The following UCK2 variants were observed in gnomAD, a reference collection of about 807,000 sequenced individuals.
UCK2 encodes cytidine monophosphokinase 2.
A neutral mutation model predicts 30.8 loss-of-function variants in UCK2; 6 were observed. The ratio of observed to expected loss-of-function variants is 0.19; its 90% confidence interval spans 0.11 to 0.38. The LOEUF (loss-of-function observed/expected upper bound fraction) is 0.38. Ranked by LOEUF, UCK2 falls within the 10% of genes least tolerant of loss-of-function variation. The pLI, the probability that UCK2 is intolerant of heterozygous loss-of-function variation, is 1.00. For synonymous variants in UCK2, 125 were observed against 133.6 expected, an observed-to-expected ratio of 0.94 and a Z score of 0.45; for missense variants, 210 against 339.8, an observed-to-expected ratio of 0.62 and a Z score of 3.00.
At chr1:165,847,435 T>C (rs923573553) in intron 1 of UCK2, among the ~76,000 whole-genome samples, 2 of 152,212 alleles carry the variant, frequency 1.3e-5, no homozygotes, top group Admixed American at 6.5e-5. Context: ...CAGTAGTCCT[T>C]CTTTCTTCAC....
intron 4 of UCK2, chr1:165,902,469 A>G (rs921140405): frequency 1.3e-5 from 2 of 151,836 alleles, no homozygotes; most frequent in African/African-American, 4.8e-5. Context: ...AAGCCCCTGG[A>G]TAAAACTGAC....
chr1:165,832,833 C>T (rs531596554), intron 1 of UCK2, among the ~76,000 whole-genome samples: 1 of 152,078 alleles, frequency 6.6e-6, no homozygotes, highest in Non-Finnish European at 1.5e-5. Context: ...CCTCATGATC[C>T]GCCTCAGCCT....
chr1:165,893,009 G>T (rs920291235), intron 3 of UCK2, among the ~76,000 whole-genome samples: 4 of 152,166 alleles, frequency 2.6e-5, no homozygotes, highest in African/African-American at 9.7e-5. Context: ...AGACATTTTG[G>T]CAATAGGGAG....
chr1:165,840,345 T>A (rs1389092136), intron 1 of UCK2, among the ~76,000 whole-genome samples: 2 of 152,278 alleles, frequency 1.3e-5, no homozygotes, highest in Admixed American at 1.3e-4. Flanking sequence ...TAAATCAGGC[T>A]AATTAGCATA....
intron 1 of UCK2, among the ~76,000 whole-genome samples, chr1:165,834,414 T>G (rs61257616): frequency 0.07 from 10,584 of 152,132 alleles, 956 homozygotes; most frequent in African/African-American, 0.21. Flanking sequence ...GGAGTGAGCC[T>G]TAGTCCCACC....
chr1:165,885,632 G>A (rs1655597373), intron 1 of UCK2, among the ~76,000 whole-genome samples: 1 of 152,204 alleles, frequency 6.6e-6, no homozygotes. Context: ...ACGCTCCAGT[G>A]GGCAGTGTCA....
intron 1 of UCK2, among the ~76,000 whole-genome samples, chr1:165,863,894 C>T (rs929256719): frequency 2.0e-5 from 3 of 152,100 alleles, no homozygotes; most frequent in Non-Finnish European, 4.4e-5. Context: ...ACTTATATAA[C>T]GTATTTGTTA....
intron 1 of UCK2, among the ~76,000 whole-genome samples, chr1:165,840,451 A>G (rs962777325): frequency 6.6e-5 from 10 of 152,202 alleles, no homozygotes; most frequent in African/African-American, 2.2e-4. Context: ...CATTGACCAT[A>G]GTCAGCATGT....
intron 1 of UCK2, among the ~76,000 whole-genome samples, chr1:165,852,584 T>G (rs1654624662): frequency 6.6e-6 from 1 of 152,194 alleles, no homozygotes; most frequent in South Asian, 2.1e-4. Context: ...GACGAGACTG[T>G]GGAGAAATGG....
chr1:165,880,565 GGGTGTGTGTGTGT>G (rs1655466386), intron 1 of UCK2, among the ~76,000 whole-genome samples: 2 of 5,318 alleles, frequency 3.8e-4, no homozygotes, highest in African/African-American at 2.3e-3. Context: ...TTTTTTTTGG[GGGTGTGTGTGTGT>G]GTGTGTGTGT....
At chr1:165,858,668 C>T (rs1571275983) in intron 1 of UCK2, among the ~76,000 whole-genome samples, 1 of 151,886 alleles carries the variant, frequency 6.6e-6, no homozygotes, top group Non-Finnish European at 1.5e-5. Context: ...CGTCCCTTAG[C>T]CCAGGAGAGG....
At chr1:165,879,545 T>TTTATTATTATTATTATTATTATTA (rs59350667) in intron 1 of UCK2, among the ~76,000 whole-genome samples, 2,186 of 146,838 alleles carry the variant, frequency 0.015, 19 homozygotes, top group Non-Finnish European at 0.019. Context: ...ATGTTTGCTT[T>TTTATTATTATTATTATTATTATTA]TTATTATTAT....
intron 1 of UCK2, among the ~76,000 whole-genome samples, chr1:165,850,954 T>TTTA (rs60420412): frequency 0.059 from 6,951 of 118,336 alleles, 379 homozygotes; most frequent in Middle Eastern, 0.077. Flanking sequence ...TTTTTTTTTT[T>TTTA]AATAGAGAAT....
In UCK2 at chr1:165,907,875, A is replaced by T. The variant is rs947798849; in HGVS notation, c.*52A>T. 1 of 1,603,140 alleles carries T rather than the reference A, an allele frequency of 6.2e-7. No individual in the cohort carries two copies. Among genetic ancestry groups the T allele is most frequent in the Non-Finnish European group, 8.5e-7 (1 of 1,173,626 alleles). On this transcript the variant is annotated 3_prime_UTR_variant, in exon 7 of 7. Transcript: ENST00000367879. The stretch of plus-strand genomic sequence containing the variant: ...ATCTCCAAGAGACAGAGGAGGGGTC[A>T]GGAGGCACTGCTCATCTGTACATAC...
In UCK2 at chr1:165,879,545, T is replaced by TTTATTATTATTATTATTATTATTATTA. The variant is rs59350667; in HGVS notation, c.100-10633_100-10632insATTATTATTATTATTATTATTATTATT. On this transcript the variant is annotated intron_variant, in intron 1 of 6. Transcript: ENST00000367879. ...CATTATATTCAAAGGATGTTTGCTT[T>TTTATTATTATTATTATTATTATTATTA]TTATTATTATTATTATTATTATTAT... 1.1e-3 allele frequency among the ~76,000 whole-genome samples: 158 copies of TTTATTATTATTATTATTATTATTATTA among 146,870 alleles called. 1 individual carries two copies. Among genetic ancestry groups the TTTATTATTATTATTATTATTATTATTA allele is most frequent in the East Asian group, 2.0e-3 (10 of 5,106 alleles).
At chr1:165,835,768 ATTAAT>A (rs1475311842) in intron 1 of UCK2, among the ~76,000 whole-genome samples, 2 of 152,208 alleles carry the variant, frequency 1.3e-5, no homozygotes, top group African/African-American at 4.8e-5. Flanking sequence ...CCTGCAAAAT[ATTAAT>A]TTAATTTCAT....
chr1:165,908,153 A>G lies in UCK2; in HGVS notation c.*330A>G, dbSNP rs372943164. 26 of 179,634 alleles carry G rather than the reference A, an allele frequency of 1.4e-4. No individual in the cohort carries two copies. The highest frequency in any genetic ancestry group is 6.7e-4 in the South Asian group (5 of 7,462). 11.1% of individuals were successfully genotyped at this position (179,634 alleles called of 1,614,324 possible). ...TACAAATACTGTAAAGCTGTTTGCC[A>G]TAAGTATTTTGCAGGAGGGTCTGTA... On this transcript the variant is annotated 3_prime_UTR_variant, in exon 7 of 7. Transcript: ENST00000367879.
intron 5 of UCK2, among the ~76,000 whole-genome samples, chr1:165,904,582 T>C (rs963031067): frequency 7.2e-5 from 11 of 152,272 alleles, no homozygotes; most frequent in African/African-American, 2.7e-4. Context: ...CTAAAAATTC[T>C]GCAGACGTTT....
chr1:165,832,766 G>T (rs1320310950), intron 1 of UCK2, among the ~76,000 whole-genome samples: 1 of 151,944 alleles, frequency 6.6e-6, no homozygotes, highest in African/African-American at 2.4e-5. Context: ...GCTAATTTTT[G>T]TATTTTTAGT....
Sources: allele counts gnomAD v4.1 joint callset (sites outside exome capture counted in the v4.1 genomes callset), GRCh38; gene constraint gnomAD v4.1.1; transcripts MANE v1.5; gene names NCBI Gene and HGNC (gene_info 2026-07-23, HGNC 2026-07-21).